IFT80: variants seen among roughly 807,000 people sequenced by gnomAD.
The protein encoded by IFT80 is intraflagellar transport 80, also known as intraflagellar transport protein 80 homolog.
In IFT80, 79 loss-of-function variants were observed where a neutral mutation model predicts 107.9. The observed-to-expected ratio is 0.73, with a 90% CI of 0.61 to 0.88. IFT80 has a LOEUF of 0.88. IFT80 is among the 40% of genes least tolerant of loss of function. The pLI is 0.00. For synonymous variants in IFT80, 299 were observed against 300.9 expected (o/e 0.99, Z 0.07); for missense variants, 797 against 914.2 (o/e 0.87, Z 1.65).
chr3:160,385,291 A>G (rs13090484), intron 1 of IFT80, among the ~76,000 whole-genome samples: 9 of 152,278 alleles, frequency 5.9e-5, no homozygotes, highest in Non-Finnish European at 8.8e-5. Context: ...TATCATCAAA[A>G]GACACAAATC....
rs767057370 is a variant in IFT80 at position 160,381,520 on chromosome 3, A to G, written c.242T>C (p.Val81Ala). 3 of 1,613,414 alleles carry G rather than the reference A, an allele frequency of 1.9e-6. No individual in the cohort carries two copies. The highest frequency in any genetic ancestry group is 2.5e-6 in the Non-Finnish European group (3 of 1,179,470). Residue 81 changes from valine to alanine, a missense_variant, in exon 3 of 20, where the codon GTC becomes GCC. Physicochemically the swap from Val to Ala is moderately conservative, Grantham distance 64. Coordinates refer to ENST00000326448, the MANE Select transcript of IFT80 (RefSeq NM_020800.3). ...AAACTTACCATCAGAACTTGTGAGG[A>G]CAAAGCTTTCTGCCTGGGTTTGTTT... ...VKKQTQAESF[V>A]LTSSDGKFHL...
At chr3:160,299,186 C>T (rs765439468) in intron 12 of IFT80, 15 of 1,022,174 alleles carry the variant, frequency 1.5e-5, no homozygotes, top group Non-Finnish European at 1.8e-5. Flanking sequence ...CATCTGGATA[C>T]TATATTATTC....
intron 19 of IFT80, among the ~76,000 whole-genome samples, chr3:160,262,866 A>G (rs1472425337): frequency 3.9e-5 from 6 of 152,134 alleles, no homozygotes; most frequent in Admixed American, 3.9e-4. Flanking sequence ...GGGTCCAACC[A>G]TAGCTTTCTA....
intron 1 of IFT80, among the ~76,000 whole-genome samples, chr3:160,386,515 T>A (rs961938600): frequency 2.0e-5 from 3 of 152,188 alleles, no homozygotes; most frequent in African/African-American, 4.8e-5. Context: ...AGCAACCATG[T>A]CTTTGCTACT....
At chr3:160,308,310 T>G (rs183579134) in intron 9 of IFT80, among the ~76,000 whole-genome samples, 1 of 152,166 alleles carries the variant, frequency 6.6e-6, no homozygotes, top group Non-Finnish European at 1.5e-5. Context: ...GAAAGGTATT[T>G]CCATATGCAA....
chr3:160,331,544 T>C (rs561675598), intron 8 of IFT80, among the ~76,000 whole-genome samples: 22 of 152,226 alleles, frequency 1.4e-4, no homozygotes, highest in Non-Finnish European at 2.8e-4. Flanking sequence ...TAAGTCACTG[T>C]TCAAAATTTC....
At chr3:160,314,932 G>A (rs920665302) in intron 9 of IFT80, among the ~76,000 whole-genome samples, 1 of 151,930 alleles carries the variant, frequency 6.6e-6, no homozygotes, top group Admixed American at 6.6e-5. Context: ...TTGGGGATGT[G>A]CCCAGGAAAA....
At chr3:160,374,372 G>A (rs1301594531) in intron 5 of IFT80, among the ~76,000 whole-genome samples, 1 of 150,414 alleles carries the variant, frequency 6.6e-6, no homozygotes, top group East Asian at 1.9e-4. Context: ...TGGTGCCACT[G>A]TACTCCAGTC....
intron 15 of IFT80, 92 bp downstream of exon 15, chr3:160,280,572 AAAC>A: frequency 9.4e-7 from 1 of 1,058,788 alleles, no homozygotes; most frequent in African/African-American, 1.6e-5. Context: ...CTGATGTGTA[AAAC>A]ACCTTGCAGG....
chr3:160,304,637 G>A (rs1254257330), intron 10 of IFT80, among the ~76,000 whole-genome samples: 3 of 151,700 alleles, frequency 2.0e-5, no homozygotes, highest in Non-Finnish European at 2.9e-5. Flanking sequence ...GGGTTTCACC[G>A]TGTTAGCCAG....
intron 1 of IFT80, among the ~76,000 whole-genome samples, chr3:160,387,822 G>A (rs1255815558): frequency 1.3e-5 from 2 of 152,186 alleles, no homozygotes; most frequent in African/African-American, 4.8e-5. Context: ...AATTACCAAA[G>A]AGACTATGAA....
chr3:160,282,324 T>C (rs1714745817), intron 14 of IFT80, among the ~76,000 whole-genome samples, 154 bp downstream of exon 14: 1 of 152,054 alleles, frequency 6.6e-6, no homozygotes, highest in Non-Finnish European at 1.5e-5. Context: ...TTTAATAAAC[T>C]TTCACTCCTA....
intron 9 of IFT80, among the ~76,000 whole-genome samples, chr3:160,311,821 G>T (rs1169522248): frequency 6.6e-6 from 1 of 152,122 alleles, no homozygotes; most frequent in Non-Finnish European, 1.5e-5. Flanking sequence ...CTGTCTCCTG[G>T]GCTGGAGTGC....
intron 18 of IFT80, among the ~76,000 whole-genome samples, chr3:160,269,284 C>G (rs1713614160): frequency 6.6e-6 from 1 of 151,288 alleles, no homozygotes; most frequent in East Asian, 1.9e-4. Context: ...GAATGAAATT[C>G]CCCACAGTGT....
chr3:160,352,410 C>A (rs185186395), intron 8 of IFT80, among the ~76,000 whole-genome samples: 134 of 152,208 alleles, frequency 8.8e-4, no homozygotes, highest in African/African-American at 3.2e-3. Flanking sequence ...GTATCACCTG[C>A]GTTATAGTTT....
chr3:160,354,291 C>T (rs1297248587), intron 8 of IFT80, among the ~76,000 whole-genome samples: 3 of 152,032 alleles, frequency 2.0e-5, no homozygotes, highest in African/African-American at 7.2e-5. Flanking sequence ...AATATACAAA[C>T]AAACTTTAGA....
intron 8 of IFT80, among the ~76,000 whole-genome samples, chr3:160,345,059 C>T (rs1341395142): frequency 6.6e-6 from 1 of 152,052 alleles, no homozygotes. Context: ...AAAAATAAAG[C>T]TACCATATGA....
intron 1 of IFT80, among the ~76,000 whole-genome samples, chr3:160,393,655 T>G (rs954382505): frequency 2.0e-5 from 3 of 152,130 alleles, no homozygotes; most frequent in Non-Finnish European, 2.9e-5. Flanking sequence ...AACTGTACAC[T>G]TTAAAAAAAA....
intron 8 of IFT80, among the ~76,000 whole-genome samples, chr3:160,337,145 C>T (rs1719548527): frequency 1.3e-5 from 2 of 152,082 alleles, no homozygotes; most frequent in African/African-American, 4.8e-5. Flanking sequence ...GTATCTTTCA[C>T]ATCCACCATT....
Sources: allele counts gnomAD v4.1 joint callset (sites outside exome capture counted in the v4.1 genomes callset), GRCh38; gene constraint gnomAD v4.1.1; transcripts MANE v1.5; gene names NCBI Gene and HGNC (gene_info 2026-07-23, HGNC 2026-07-21).